The following BAZ2A variants were observed in gnomAD, a reference collection of about 807,000 sequenced individuals.
BAZ2A encodes bromodomain adjacent to zinc finger domain 2A, also known as bromodomain adjacent to zinc finger domain protein 2A.
A neutral mutation model predicts 199.9 loss-of-function variants in BAZ2A; 34 were observed. That is an observed-to-expected ratio of 0.17 (90% confidence interval 0.13 to 0.23). BAZ2A has a LOEUF of 0.23. Ranked by LOEUF, BAZ2A falls within the 10% of genes least tolerant of loss-of-function variation. The pLI is 1.00. For missense variants in BAZ2A, 2,002 were observed against 2,391.1 expected (o/e 0.84, Z 3.39); for synonymous variants, 857 against 883.9 (o/e 0.97, Z 0.54).
upstream of BAZ2A, among the ~76,000 whole-genome samples, chr12:56,631,945 G>C (rs1271391698): frequency 6.6e-6 from 1 of 152,104 alleles, no homozygotes; most frequent in Admixed American, 6.5e-5. Context: ...TAAGAAGGAA[G>C]CTAGCTTTAG....
Position 56,606,328 on chromosome 12 carries a change from G to C in BAZ2A, c.2194-16C>G. The C allele has an allele frequency of 3.1e-6, 5 of 1,613,778 alleles. No individual in the cohort carries two copies. The highest frequency in any genetic ancestry group is 4.2e-6 in the Non-Finnish European group (5 of 1,179,796). ...TATTTCTGGCCTGTAAACCATAAGG[G>C]AAGTCATTTCTCCTCAAACTCTGAA... On this transcript the variant is annotated splice_polypyrimidine_tract_variant and intron_variant, in intron 11 of 28. Coordinates refer to ENST00000549884, the MANE Select transcript of BAZ2A (RefSeq NM_001300905.2).
In BAZ2A at chr12:56,601,847, T is replaced by C. The variant is rs1478379954; in HGVS notation, c.3770A>G (p.Gln1257Arg). Residue 1257 changes from glutamine to arginine, a missense_variant, in exon 20 of 29, where the codon CAG becomes CGG. Transcript: ENST00000549884. The part of the protein sequence containing the change: ...EQEGSPLSLG[Q>R]SQHDLSQSAF... ...TGACTGGCTGAGGTCATGCTGGCTC[T>C]GACCCAGTGACAAAGGGGAGCCTTC... is the stretch of plus-strand genomic sequence containing the variant. The C allele has an allele frequency of 6.2e-7, 1 of 1,613,984 alleles. No individual in the cohort carries two copies. Among genetic ancestry groups the C allele is most frequent in the South Asian group, 1.1e-5 (1 of 91,090 alleles).
In BAZ2A at chr12:56,611,791, G is replaced by A. The variant is rs1262025677; in HGVS notation, c.1591C>T (p.Leu531Phe). 6.5e-7 allele frequency: 1 copy of A among 1,541,694 alleles called. No homozygotes were observed. The highest frequency in any genetic ancestry group is 2.3e-5 in the East Asian group (1 of 44,210). Reference sequence around the variant, plus strand: ...TACTCACCACTACCAGAAGCAGTGAGTCCTTCTCCAGTGATCTCTTCCACG... The same window carrying A: ...TACTCACCACTACCAGAAGCAGTGAATCCTTCTCCAGTGATCTCTTCCACG... ...ADVEEITGEGLTASGSGDVMR... is the reference protein window; with the variant it reads ...ADVEEITGEGFTASGSGDVMR... The change falls in exon 6 of 29, where the codon CTC becomes TTC. Residue 531 changes from leucine (L) to phenylalanine (F), a missense_variant. Coordinates refer to ENST00000549884, the MANE Select transcript of BAZ2A (RefSeq NM_001300905.2).
chr12:56,612,632 T>C (rs1204631753), intron 5 of BAZ2A, among the ~76,000 whole-genome samples: 1 of 151,530 alleles, frequency 6.6e-6, no homozygotes, highest in Admixed American at 6.6e-5. Flanking sequence ...GCTTTCCTAC[T>C]TTTTTTTTGA....
At position 56,600,792 on chromosome 12, in the gene BAZ2A, T is replaced by C. The variant is rs771866791; in HGVS notation, c.4491A>G (p.Glu1497=). The C allele has an allele frequency of 6.2e-7, 1 of 1,613,882 alleles. No homozygotes were observed. The highest frequency in any genetic ancestry group is 1.1e-5 in the South Asian group (1 of 91,074). ...CTTTGGGGGACCAGCTCATAATCCC[T>C]TCTTGAAAGGCAGGTAGTTGCCTGG... ...FEPRQLPAFQ[E]GIMSWSPKEK... The change falls in exon 23 of 29, where the codon GAA becomes GAG. Residue 1497 remains glutamate, a synonymous_variant. Coordinates refer to ENST00000549884, the MANE Select transcript of BAZ2A (RefSeq NM_001300905.2).
rs1406550636 is a variant in BAZ2A at position 56,600,482 on chromosome 12, T to C, written c.4611A>G (p.Thr1537=). Residue 1537 remains threonine, a synonymous_variant, in exon 24 of 29, where the codon ACA becomes ACG. Transcript: ENST00000549884. ...CACGGGTAGAGTCTGGGCTAGGACATGTCCAGCCCTTCAGTTAAGAGAGAG... is the reference window on the plus strand; with the variant it reads ...CACGGGTAGAGTCTGGGCTAGGACACGTCCAGCCCTTCAGTTAAGAGAGAG... ...IMSDLQIRGW[T]CPSPDSTRED... 15 of 1,612,182 alleles carry C rather than the reference T, an allele frequency of 9.3e-6. No homozygotes were observed. Among genetic ancestry groups the C allele is most frequent in the Admixed American group, 3.3e-5 (2 of 59,956 alleles).
At chr12:56,600,620 CAG>C (rs1886361654) in intron 23 of BAZ2A, 59 bp downstream of exon 23, 1 of 1,575,182 alleles carries the variant, frequency 6.3e-7, no homozygotes, top group Non-Finnish European at 8.6e-7. Context: ...TTTTTTCTAA[CAG>C]GGCATAAGGG....
chr12:56,600,257 C>T lies in BAZ2A; in HGVS notation c.4836G>A (p.Leu1612=). 1 of 1,613,976 alleles carries T rather than the reference C, an allele frequency of 6.2e-7. No homozygotes were observed. The highest frequency in any genetic ancestry group is 2.2e-5 in the East Asian group (1 of 44,864). ...TAGGTGTGCTAAGCAGGGCCTTCTC[C>T]AGCACAACCTCATGAGTTGGCCAGA... is the stretch of plus-strand genomic sequence containing the variant. ...EPLWPTHEVV[L]EKALLSTPNG... Residue 1612 remains leucine, a synonymous_variant, in exon 24 of 29, where the codon CTG becomes CTA. Coordinates refer to ENST00000549884, the MANE Select transcript of BAZ2A (RefSeq NM_001300905.2).
chr12:56,621,637 T>C (rs1380945077), intron 1 of BAZ2A, among the ~76,000 whole-genome samples: 1 of 152,086 alleles, frequency 6.6e-6, no homozygotes, highest in Non-Finnish European at 1.5e-5. Context: ...AAAATCTAAA[T>C]TAGAGCCCCA....
chr12:56,625,842 C>T (rs1234649349), intron 1 of BAZ2A, among the ~76,000 whole-genome samples: 1 of 144,178 alleles, frequency 6.9e-6, no homozygotes, highest in African/African-American at 2.6e-5. Flanking sequence ...CGCCACTGCA[C>T]TCCAGCCTGG....
intron 10 of BAZ2A, among the ~76,000 whole-genome samples, chr12:56,608,154 C>G (rs145682770): frequency 0.02 from 3,058 of 150,854 alleles, 39 homozygotes; most frequent in Admixed American, 0.031. Context: ...GGGCGGATCA[C>G]GAGGTCAGGA....
At position 56,602,160 on chromosome 12, in the gene BAZ2A, A is replaced by G; in HGVS notation, c.3457T>C (p.Ser1153Pro). 1 of 1,590,496 alleles carries G rather than the reference A, an allele frequency of 6.3e-7. No homozygotes were observed. The highest frequency in any genetic ancestry group is 8.6e-7 in the Non-Finnish European group (1 of 1,167,954). Residue 1153 changes from serine (S) to proline (P), a missense_variant, in exon 20 of 29, where the codon TCC (serine) becomes CCC (proline). Around this residue, in one of 6 missense-constraint regions of BAZ2A, gnomAD observed 1,081 missense variants for 1,274.7 expected, o/e 0.85. Transcript: ENST00000549884. ...GACGCATGGGCTGCCACTTTTAAGG[A>G]GTCAGTTTCCTTCTTTATCACCTCC... ...PEEVIKKETD[S>P]LKVAAHASLN...
chr12:56,626,614 G>C (rs1264521925), intron 1 of BAZ2A, among the ~76,000 whole-genome samples: 1 of 152,100 alleles, frequency 6.6e-6, no homozygotes, highest in Admixed American at 6.5e-5. Flanking sequence ...ATATTTCTCT[G>C]ACAGAAAAAT....
intron 16 of BAZ2A, 146 bp downstream of exon 16, chr12:56,604,071 C>A: frequency 1.3e-6 from 1 of 757,148 alleles, no homozygotes; most frequent in Non-Finnish European, 2.1e-6. Context: ...AAAGAAATAC[C>A]TTGACTCTAA....
At chr12:56,611,236 A>G in intron 7 of BAZ2A, 1 of 389,842 alleles carries the variant, frequency 2.6e-6, no homozygotes, top group Non-Finnish European at 4.7e-6. Context: ...GTCACTCCTC[A>G]TTCATTACTA....
chr12:56,603,771 G>A, intron 16 of BAZ2A, 71 bp from the exon 17 acceptor site: 1 of 1,555,544 alleles, frequency 6.4e-7, no homozygotes, highest in Non-Finnish European at 8.8e-7. Flanking sequence ...CCAGCACTTT[G>A]GGAGGCCAAG....
intron 22 of BAZ2A, 26 bp from the exon 23 acceptor site, chr12:56,600,858 A>T: frequency 1.2e-6 from 2 of 1,612,020 alleles, no homozygotes; most frequent in African/African-American, 1.3e-5. Context: ...GCAGAGGGAG[A>T]GGCCCATCAG....
intron 3 of BAZ2A, 181 bp downstream of exon 3, chr12:56,614,833 A>C: frequency 1.5e-6 from 1 of 685,654 alleles, no homozygotes; most frequent in South Asian, 1.8e-5. Flanking sequence ...CCCACTCGCG[A>C]GCTGGTGCTG....
At position 56,612,119 on chromosome 12, in the gene BAZ2A, T is replaced by G; in HGVS notation, c.1263A>C (p.Pro421=). 1 of 1,613,908 alleles carries G rather than the reference T, an allele frequency of 6.2e-7. No homozygotes were observed. Among genetic ancestry groups the G allele is most frequent in the Non-Finnish European group, 8.5e-7 (1 of 1,179,856 alleles). The change falls in exon 6 of 29, where the codon CCA becomes CCC. Residue 421 remains proline, a synonymous_variant. Coordinates refer to ENST00000549884, the MANE Select transcript of BAZ2A (RefSeq NM_001300905.2). ...TTGGCGAGACTGCTGGTGAGGTTGC[T>G]GGATGTAGCTGAATAGTGGATGACT... ...PDQSSTIQLH[P]ATSPAVSPTT...
Sources: gnomAD v4.1 joint callset for allele counts (sites outside exome capture counted in the v4.1 genomes callset) on GRCh38, gnomAD v4.1.1 for gene constraint, gnomAD v4.1.1 regional missense constraint, MANE v1.5 for transcripts, NCBI Gene and HGNC (gene_info 2026-07-23, HGNC 2026-07-21) for gene names.